SMYD2: variants seen among roughly 807,000 people sequenced by gnomAD.
SMYD2 encodes N-lysine methyltransferase SMYD2.
Under a neutral mutation model 59.1 loss-of-function variants are expected in SMYD2, and 53 were observed. The ratio of observed to expected loss-of-function variants is 0.90; its 90% CI spans 0.72 to 1.13. The LOEUF (loss-of-function observed/expected upper bound fraction) is 1.13. Among genes scored for constraint, SMYD2 ranks in the 50% most tolerant of loss-of-function variants. The probability of loss-of-function intolerance (pLI) is 0.00; values close to 1 mark genes in which losing one functional copy is unlikely to be tolerated. For missense variants in SMYD2, 494 were observed against 544.7 expected (o/e 0.91, Z 0.93); for synonymous variants, 208 against 198.8 (o/e 1.05, Z -0.39).
intron 1 of SMYD2, among the ~76,000 whole-genome samples, chr1:214,283,330 G>C (rs1200097944): frequency 1.3e-5 from 2 of 152,140 alleles, no homozygotes; most frequent in African/African-American, 4.8e-5. Flanking sequence ...GTTACTCACT[G>C]TTGCCTTGGG....
At chr1:214,325,460 G>C (rs1025091075) in intron 6 of SMYD2, among the ~76,000 whole-genome samples, 2 of 152,234 alleles carry the variant, frequency 1.3e-5, no homozygotes, top group Admixed American at 6.5e-5. Flanking sequence ...TTGTAGATAA[G>C]TTCTATCCAG....
At chr1:214,283,193 C>A (rs893678492) in intron 1 of SMYD2, among the ~76,000 whole-genome samples, 2 of 152,202 alleles carry the variant, frequency 1.3e-5, no homozygotes, top group African/African-American at 2.4e-5. Context: ...ACGCATACCC[C>A]CAACCTTAGA....
chr1:214,300,324 G>T (rs1478576660), intron 1 of SMYD2, among the ~76,000 whole-genome samples: 1 of 152,102 alleles, frequency 6.6e-6, no homozygotes, highest in East Asian at 1.9e-4. Context: ...AAACATGTAG[G>T]CTCACGATAC....
At chr1:214,293,009 G>C (rs12077959) in intron 1 of SMYD2, among the ~76,000 whole-genome samples, 2,191 of 121,548 alleles carry the variant, frequency 0.018, 66 homozygotes, top group African/African-American at 0.062. Context: ...ATCTTTTTCT[G>C]TTTGTGTGTG....
chr1:214,310,666 T>C (rs1398494896), intron 2 of SMYD2, among the ~76,000 whole-genome samples: 2 of 152,304 alleles, frequency 1.3e-5, no homozygotes, highest in Admixed American at 6.5e-5. Flanking sequence ...AAAATCACTC[T>C]GTATACAGCA....
At chr1:214,308,170 C>G (rs560362056) in intron 2 of SMYD2, among the ~76,000 whole-genome samples, 1 of 152,186 alleles carries the variant, frequency 6.6e-6, no homozygotes, top group Admixed American at 6.5e-5. Flanking sequence ...ACCAAAGTAC[C>G]CTCCTAGGAG....
At chr1:214,307,037 GT>G (rs1161237019) in intron 2 of SMYD2, among the ~76,000 whole-genome samples, 1 of 152,230 alleles carries the variant, frequency 6.6e-6, no homozygotes, top group Non-Finnish European at 1.5e-5. Context: ...GCCAGGCGTG[GT>G]GGCGGGTGCC....
intron 5 of SMYD2, among the ~76,000 whole-genome samples, chr1:214,321,279 C>T (rs931361641): frequency 2.0e-5 from 3 of 152,142 alleles, no homozygotes; most frequent in African/African-American, 7.2e-5. Context: ...TGCATACACA[C>T]ATACACGTAA....
chr1:214,298,989 A>G (rs1343117714), intron 1 of SMYD2, among the ~76,000 whole-genome samples: 1 of 152,130 alleles, frequency 6.6e-6, no homozygotes, highest in Admixed American at 6.5e-5. Context: ...CCTCATCTCT[A>G]CAAAATAGCA....
chr1:214,314,832 C>T lies in SMYD2; in HGVS notation c.308C>T (p.Ser103Leu), dbSNP rs1297450926. ...MVVFGENWNP[S>L]ETVRLTARIL... The stretch of plus-strand genomic sequence containing the variant: ...GTTTTTGGGGAAAACTGGAATCCCT[C>T]GGAGACTGTAAGACTAACAGCAAGG... The change falls in exon 3 of 12, where the codon TCG becomes TTG. Residue 103 changes from serine (S) to leucine (L), a missense_variant. Physicochemically the swap from Ser to Leu is moderately radical, Grantham distance 145. Transcript: ENST00000366957. The T allele has an allele frequency of 3.7e-6, 6 of 1,613,964 alleles. No individual in the cohort carries two copies. Among genetic ancestry groups the T allele is most frequent in the East Asian group, 2.2e-5 (1 of 44,894 alleles).
chr1:214,309,554 A>AT (rs200822973), intron 2 of SMYD2, among the ~76,000 whole-genome samples: 1,980 of 152,244 alleles, frequency 0.013, 22 homozygotes, highest in African/African-American at 0.043. Flanking sequence ...GTAGGAAGGG[A>AT]TTTTTTAAAG....
chr1:214,283,349 C>A (rs1377371769), intron 1 of SMYD2, among the ~76,000 whole-genome samples: 5 of 152,190 alleles, frequency 3.3e-5, no homozygotes, highest in Non-Finnish European at 7.3e-5. Context: ...GGTCCCTCAC[C>A]AGGGCTGCAA....
intron 5 of SMYD2, among the ~76,000 whole-genome samples, chr1:214,321,143 G>A (rs1390364610): frequency 6.6e-6 from 1 of 152,126 alleles, no homozygotes; most frequent in African/African-American, 2.4e-5. Flanking sequence ...AAAATCAAGT[G>A]ACTCCATCTC....
At chr1:214,307,121 C>T (rs1376636572) in intron 2 of SMYD2, among the ~76,000 whole-genome samples, 6 of 152,152 alleles carry the variant, frequency 3.9e-5, no homozygotes, top group East Asian at 1.9e-4. Flanking sequence ...TGCAGTGAGC[C>T]GAGATCGTGC....
intron 1 of SMYD2, among the ~76,000 whole-genome samples, chr1:214,303,234 C>T (rs757260171): frequency 6.6e-6 from 1 of 152,158 alleles, no homozygotes; most frequent in Non-Finnish European, 1.5e-5. Flanking sequence ...TCCTGACACA[C>T]CTCTCTGTGG....
chr1:214,317,877 G>T (rs144426777), intron 3 of SMYD2, among the ~76,000 whole-genome samples: 2 of 152,134 alleles, frequency 1.3e-5, no homozygotes, highest in Non-Finnish European at 2.9e-5. Context: ...TTAGGTACAC[G>T]GTAGACATTT....
At chr1:214,324,528 A>G in intron 5 of SMYD2, 113 bp from the exon 6 acceptor site, 2 of 922,488 alleles carry the variant, frequency 2.2e-6, no homozygotes, top group Non-Finnish European at 1.7e-6. Context: ...GTTTAAAACC[A>G]CTACACCAAA....
At chr1:214,335,156 AG>A (rs1376510322) in intron 11 of SMYD2, among the ~76,000 whole-genome samples, 1 of 152,258 alleles carries the variant, frequency 6.6e-6, no homozygotes, top group African/African-American at 2.4e-5. Context: ...GGCCATGGAC[AG>A]GGCCTGCAGG....
chr1:214,330,927 G>C (rs924646649), intron 8 of SMYD2, 23 bp from the exon 9 acceptor site: 9 of 1,613,558 alleles, frequency 5.6e-6, no homozygotes, highest in Non-Finnish European at 7.6e-6. Context: ...GTAACGCCTT[G>C]CCCTTGTGGA....
Sources: gnomAD v4.1 joint callset for allele counts (sites outside exome capture counted in the v4.1 genomes callset) on GRCh38, gnomAD v4.1.1 for gene constraint, MANE v1.5 for transcripts, NCBI Gene and HGNC (gene_info 2026-07-23, HGNC 2026-07-21) for gene names.